Variants in COG5 observed in about 807,000 individuals in gnomAD.
The protein encoded by COG5 is component of oligomeric golgi complex 5.
In COG5, 86 loss-of-function variants were observed where a neutral mutation model predicts 110.4. That is an observed-to-expected ratio of 0.78 (90% confidence interval 0.65 to 0.93). The LOEUF (loss-of-function observed/expected upper bound fraction) is 0.93. Among genes scored for constraint, COG5 ranks in the 40% least tolerant of loss-of-function variants. COG5 has a pLI of 0.00. For missense variants in COG5, 1,077 were observed against 987.0 expected (o/e 1.09, Z -1.22); for synonymous variants, 360 against 334.6 (o/e 1.08, Z -0.83).
At position 107,285,313 on chromosome 7, in the gene COG5, C is replaced by A. The variant is rs545239164; in HGVS notation, c.1314-1581G>T. The stretch of plus-strand genomic sequence containing the variant: ...AAGTCCGAGCCATCTATTTAAATGT[C>A]ACTATTTTTACTCATGACATCTACT... On this transcript the variant is annotated intron_variant, in intron 12 of 21. Coordinates refer to ENST00000297135, the MANE Select transcript of COG5 (RefSeq NM_006348.5). Among the ~76,000 whole-genome samples, 92 of 152,254 alleles carry A rather than the reference C, an allele frequency of 6.0e-4. 1 individual carries two copies. Among genetic ancestry groups the A allele is most frequent in the Non-Finnish European group, 1.0e-4 (7 of 68,012 alleles).
intron 10 of COG5, among the ~76,000 whole-genome samples, chr7:107,346,865 A>G (rs763888522): frequency 4.6e-5 from 7 of 151,966 alleles, no homozygotes; most frequent in African/African-American, 7.3e-5. Flanking sequence ...CCCCTACCCC[A>G]CAACATGCCC....
chr7:107,394,191 C>T (rs1790823887), intron 7 of COG5, among the ~76,000 whole-genome samples: 1 of 151,490 alleles, frequency 6.6e-6, no homozygotes, highest in South Asian at 2.1e-4. Context: ...TGTCGATCTC[C>T]TGACCTTGTG....
At chr7:107,368,752 TTCA>T (rs1813855383) in intron 8 of COG5, among the ~76,000 whole-genome samples, 1 of 152,236 alleles carries the variant, frequency 6.6e-6, no homozygotes, top group South Asian at 2.1e-4. Context: ...TCTACTTTGC[TTCA>T]TCATCATCTT....
At chr7:107,225,113 C>T (rs1408980314) in intron 19 of COG5, among the ~76,000 whole-genome samples, 1 of 152,150 alleles carries the variant, frequency 6.6e-6, no homozygotes, top group African/African-American at 2.4e-5. Flanking sequence ...CTGGCACTGT[C>T]ATCTTCCATT....
intron 6 of COG5, among the ~76,000 whole-genome samples, chr7:107,430,394 T>C (rs1464026941): frequency 6.6e-6 from 1 of 152,240 alleles, no homozygotes; most frequent in Non-Finnish European, 1.5e-5. Context: ...ATTAATTAAC[T>C]ATAAATGTCA....
chr7:107,536,686 C>A (rs1801608175), intron 5 of COG5, among the ~76,000 whole-genome samples: 1 of 152,166 alleles, frequency 6.6e-6, no homozygotes. Context: ...GGCCATTCTG[C>A]CCAAAATAAT....
intron 6 of COG5, among the ~76,000 whole-genome samples, chr7:107,422,706 C>G (rs1313038469): frequency 2.0e-5 from 3 of 148,292 alleles, no homozygotes; most frequent in Admixed American, 1.3e-4. Context: ...AAAAAAAAAG[C>G]AAGCCATGAC....
intron 12 of COG5, among the ~76,000 whole-genome samples, chr7:107,286,781 C>A (rs1277613210): frequency 6.6e-6 from 1 of 152,036 alleles, no homozygotes; most frequent in East Asian, 1.9e-4. Context: ...AAAGAGGTAA[C>A]CTCACTCCTT....
At chr7:107,228,728 T>C (rs550220870) in intron 19 of COG5, among the ~76,000 whole-genome samples, 1 of 151,896 alleles carries the variant, frequency 6.6e-6, no homozygotes, top group South Asian at 2.1e-4. Flanking sequence ...AGATGGGCAG[T>C]GATCTTTCAT....
intron 7 of COG5, among the ~76,000 whole-genome samples, chr7:107,405,103 A>T (rs961848569): frequency 6.6e-6 from 1 of 152,150 alleles, no homozygotes; most frequent in African/African-American, 2.4e-5. Flanking sequence ...CTTACTAAAG[A>T]AGGGGGAAGC....
At chr7:107,223,515 T>C (rs1368365013) in intron 19 of COG5, among the ~76,000 whole-genome samples, 2 of 152,222 alleles carry the variant, frequency 1.3e-5, no homozygotes, top group Admixed American at 6.5e-5. Context: ...AATAAAAGCA[T>C]ACATTTGGCT....
intron 5 of COG5, among the ~76,000 whole-genome samples, chr7:107,543,708 G>A (rs1162304017): frequency 1.3e-5 from 2 of 152,088 alleles, no homozygotes; most frequent in East Asian, 3.9e-4. Context: ...CCCCGCATCA[G>A]GTTGGCACCT....
rs11465057 is a variant in COG5 at position 107,525,553 on chromosome 7, CT to C, written c.538+1683del. 4.6e-3 allele frequency among the ~76,000 whole-genome samples: 674 copies of C among 146,314 alleles called. 2 individuals carry two copies. Among genetic ancestry groups the C allele is most frequent in the African/African-American group, 6.3e-3 (250 of 39,762 alleles). ...AGCATTATTCATTGTTTAAAGTTAACTTTTTTTTTTTTTTAAAGAGTCAAGA... is the reference window on the plus strand; with the variant it reads ...AGCATTATTCATTGTTTAAAGTTAACTTTTTTTTTTTTTAAAGAGTCAAGA... On this transcript the variant is annotated intron_variant, in intron 6 of 21. Transcript: ENST00000297135.
intron 12 of COG5, among the ~76,000 whole-genome samples, chr7:107,290,541 C>T (rs937613093): frequency 9.9e-5 from 15 of 152,020 alleles, no homozygotes; most frequent in African/African-American, 3.4e-4. Context: ...TGTGGGGATT[C>T]GAATTATCTG....
At chr7:107,367,022 C>T (rs889706252) in intron 8 of COG5, among the ~76,000 whole-genome samples, 14 of 152,026 alleles carry the variant, frequency 9.2e-5, no homozygotes, top group Admixed American at 1.3e-4. Flanking sequence ...TAAGCTATGC[C>T]TTTCGGTGTA....
At chr7:107,294,881 TTGTG>T (rs756358916) in intron 12 of COG5, among the ~76,000 whole-genome samples, 22,844 of 93,418 alleles carry the variant, frequency 0.24, 3,279 homozygotes, top group East Asian at 0.33. Context: ...ATGCCTGGAT[TTGTG>T]TGTGTGTGTG....
chr7:107,245,115 C>T (rs540664423), intron 17 of COG5, among the ~76,000 whole-genome samples: 40 of 152,336 alleles, frequency 2.6e-4, no homozygotes, highest in African/African-American at 9.4e-4. Context: ...GCAAAAACCA[C>T]ATGATTATCT....
intron 11 of COG5, among the ~76,000 whole-genome samples, chr7:107,316,922 C>G (rs1584668503): frequency 6.6e-6 from 1 of 152,092 alleles, no homozygotes; most frequent in South Asian, 2.1e-4. Flanking sequence ...ATATAATATT[C>G]TGAAATATAC....
At position 107,389,983 on chromosome 7, in the gene COG5, C is replaced by G. The variant is rs116294102; in HGVS notation, c.670-17223G>C. 4.2e-3 allele frequency among the ~76,000 whole-genome samples: 646 copies of G among 152,310 alleles called. 6 individuals carry two copies. The highest frequency in any genetic ancestry group is 0.015 in the African/African-American group (630 of 41,564). ...GGGAACCAATATTTCTATTTCACCC[C>G]AATACTCCACGTTTGTGACCCGGGT... On this transcript the variant is annotated intron_variant, in intron 7 of 21. Transcript: ENST00000297135.
Sources: gnomAD v4.1 joint callset for allele counts (sites outside exome capture counted in the v4.1 genomes callset) on GRCh38, gnomAD v4.1.1 for gene constraint, MANE v1.5 for transcripts, NCBI Gene and HGNC (gene_info 2026-07-23, HGNC 2026-07-21) for gene names.